SHTN1: variants seen among roughly 807,000 people sequenced by gnomAD.
SHTN1 encodes shootin 1.
Under a neutral mutation model 83.1 loss-of-function variants are expected in SHTN1, and 42 were observed. The ratio of observed to expected loss-of-function variants is 0.51; its 90% confidence interval spans 0.39 to 0.65. The LOEUF is 0.65. SHTN1 is among the 30% of genes least tolerant of loss of function. The probability of loss-of-function intolerance (pLI) is 0.00; values close to 1 mark genes in which losing one functional copy is unlikely to be tolerated. For synonymous variants in SHTN1, 224 were observed against 247.7 expected (o/e 0.90, Z 0.90); for missense variants, 622 against 737.8 (o/e 0.84, Z 1.82).
intron 16 of SHTN1, among the ~76,000 whole-genome samples, chr10:116,890,277 G>A (rs140738193): frequency 6.6e-6 from 1 of 152,152 alleles, no homozygotes; most frequent in East Asian, 1.9e-4. Context: ...CACAAAATCT[G>A]CAAGTAAAAC....
intron 4 of SHTN1, 76 bp downstream of exon 4, chr10:116,960,060 C>A: frequency 1.2e-6 from 1 of 832,688 alleles, no homozygotes; most frequent in Non-Finnish European, 2.0e-6. Flanking sequence ...AAAGCAAAAC[C>A]AGATAGAAGC....
intron 1 of SHTN1, among the ~76,000 whole-genome samples, chr10:117,076,002 G>T (rs1853147083): frequency 6.6e-6 from 1 of 152,014 alleles, no homozygotes; most frequent in African/African-American, 2.4e-5. Flanking sequence ...GGGCAACATA[G>T]TGGAACCCTA....
At chr10:117,120,442 G>C (rs986336818) in intron 1 of SHTN1, among the ~76,000 whole-genome samples, 1 of 151,956 alleles carries the variant, frequency 6.6e-6, no homozygotes, top group Non-Finnish European at 1.5e-5. Flanking sequence ...TAGAGACGGG[G>C]TTTTACCATA....
intron 1 of SHTN1, among the ~76,000 whole-genome samples, chr10:117,078,285 A>C: frequency 6.6e-6 from 1 of 152,206 alleles, no homozygotes; most frequent in East Asian, 1.9e-4. Context: ...TCTGTAAGCC[A>C]TCTACAAGGA....
chr10:116,914,373 G>A (rs941699041), intron 13 of SHTN1, among the ~76,000 whole-genome samples: 10 of 152,084 alleles, frequency 6.6e-5, no homozygotes, highest in Admixed American at 6.5e-4. Context: ...TTGGGAGGCT[G>A]AGGCAGGAGA....
intron 1 of SHTN1, among the ~76,000 whole-genome samples, chr10:116,986,822 G>A (rs556042255): frequency 4.7e-5 from 7 of 148,172 alleles, no homozygotes; most frequent in African/African-American, 1.7e-4. Flanking sequence ...TCTGCCTTCC[G>A]GGTTCAAGCG....
At chr10:116,931,149 AAG>A (rs1848947722) in intron 9 of SHTN1, among the ~76,000 whole-genome samples, 1 of 151,700 alleles carries the variant, frequency 6.6e-6, no homozygotes, top group African/African-American at 2.4e-5. Context: ...AAAAAAAAAA[AAG>A]GAAAGGCTTT....
intron 14 of SHTN1, chr10:116,907,764 C>T (rs1848030884): frequency 6.8e-6 from 3 of 440,122 alleles, no homozygotes; most frequent in South Asian, 1.6e-5. Context: ...GATCAGAGGA[C>T]ATAAGAACCT....
chr10:116,926,143 T>C (rs971779238), intron 11 of SHTN1, among the ~76,000 whole-genome samples: 5 of 152,204 alleles, frequency 3.3e-5, no homozygotes, highest in African/African-American at 1.2e-4. Context: ...GTCCTGAACA[T>C]TCGTTTCTCA....
chr10:116,988,693 T>C (rs1794222984), intron 1 of SHTN1, among the ~76,000 whole-genome samples: 3 of 152,022 alleles, frequency 2.0e-5, no homozygotes, highest in South Asian at 2.1e-4. Context: ...ATGCATACCC[T>C]GCCCAGCTGA....
intron 2 of SHTN1, among the ~76,000 whole-genome samples, chr10:116,971,187 G>A (rs889505155): frequency 6.6e-6 from 1 of 152,090 alleles, no homozygotes; most frequent in Non-Finnish European, 1.5e-5. Flanking sequence ...TGTTAAATTA[G>A]CAAATCTGGT....
intron 8 of SHTN1, among the ~76,000 whole-genome samples, chr10:116,941,184 C>T (rs1849360076): frequency 6.6e-6 from 1 of 152,152 alleles, no homozygotes; most frequent in Non-Finnish European, 1.5e-5. Context: ...GTGACAAGAC[C>T]AGGACTTAAA....
At chr10:116,928,548 T>C (rs1054813496) in intron 10 of SHTN1, among the ~76,000 whole-genome samples, 1 of 152,226 alleles carries the variant, frequency 6.6e-6, no homozygotes, top group Admixed American at 6.5e-5. Flanking sequence ...TTCAAAGAAC[T>C]GAACTTAAGT....
chr10:116,931,153 A>G (rs1848947948), intron 9 of SHTN1, among the ~76,000 whole-genome samples: 1 of 145,858 alleles, frequency 6.9e-6, no homozygotes, highest in Non-Finnish European at 1.5e-5. Flanking sequence ...AAAAAAAAGG[A>G]AAGGCTTTCG....
chr10:117,078,629 T>C (rs145727274), intron 1 of SHTN1, among the ~76,000 whole-genome samples: 30 of 152,262 alleles, frequency 2.0e-4, no homozygotes, highest in South Asian at 2.1e-4. Flanking sequence ...ATGGAGTTAA[T>C]AGAATTGTTT....
At chr10:117,015,386 C>A (rs1482838665) in intron 2 of SHTN1, among the ~76,000 whole-genome samples, 1 of 152,180 alleles carries the variant, frequency 6.6e-6, no homozygotes, top group Non-Finnish European at 1.5e-5. Context: ...GGCTGGAGTG[C>A]AATGGCACGA....
chr10:116,913,101 C>T (rs1589801110), intron 13 of SHTN1, among the ~76,000 whole-genome samples: 2 of 152,142 alleles, frequency 1.3e-5, no homozygotes, highest in Non-Finnish European at 1.5e-5. Flanking sequence ...TGAAAATAAG[C>T]GGTTAAATTA....
chr10:116,890,352 A>T (rs1350505738), intron 16 of SHTN1, among the ~76,000 whole-genome samples: 3 of 152,200 alleles, frequency 2.0e-5, no homozygotes, highest in Non-Finnish European at 4.4e-5. Flanking sequence ...GCTGACAGGG[A>T]TCACCATGGT....
chr10:117,101,355 A>G (rs992390590), intron 1 of SHTN1, among the ~76,000 whole-genome samples: 4 of 152,200 alleles, frequency 2.6e-5, no homozygotes, highest in African/African-American at 9.7e-5. Flanking sequence ...AGGTGATAGA[A>G]AAAAGGTTTT....
Sources: allele counts gnomAD v4.1 joint callset (sites outside exome capture counted in the v4.1 genomes callset), GRCh38; gene constraint gnomAD v4.1.1; transcripts MANE v1.5; gene names NCBI Gene and HGNC (gene_info 2026-07-23, HGNC 2026-07-21).